Variants in CPAMD8 observed in about 807,000 individuals in gnomAD.
The protein encoded by CPAMD8 is C3 and PZP-like alpha-2-macroglobulin domain-containing protein 8.
A neutral mutation model predicts 224.7 loss-of-function variants in CPAMD8; 146 were observed. That is an observed-to-expected ratio of 0.65 (90% CI 0.57 to 0.75). The LOEUF (loss-of-function observed/expected upper bound fraction) is 0.75, where lower values mean the gene tolerates loss of function less well. Among genes scored for constraint, CPAMD8 ranks in the 30% least tolerant of loss-of-function variants. The probability of loss-of-function intolerance (pLI) is 0.00; values close to 1 mark genes in which losing one functional copy is unlikely to be tolerated. For synonymous variants in CPAMD8, 966 were observed against 1,044.6 expected, an observed-to-expected ratio of 0.92 and a Z score of 1.45; for missense variants, 2,301 against 2,537.5, an observed-to-expected ratio of 0.91 and a Z score of 2.00.
At chr19:17,025,654 G>A (rs1021577926) in intron 1 of CPAMD8, among the ~76,000 whole-genome samples, 6 of 152,162 alleles carry the variant, frequency 3.9e-5, no homozygotes, top group African/African-American at 7.2e-5. Flanking sequence ...ATTTCCCAGC[G>A]GCCTCAGGGA....
intron 7 of CPAMD8, among the ~76,000 whole-genome samples, chr19:17,006,901 T>C (rs1165935910): frequency 6.6e-6 from 1 of 152,198 alleles, no homozygotes; most frequent in African/African-American, 2.4e-5. Flanking sequence ...TTAGTTCATG[T>C]TTGCTTCCCC....
intron 1 of CPAMD8, among the ~76,000 whole-genome samples, chr19:17,025,100 C>T (rs1276306540): frequency 6.6e-6 from 1 of 152,094 alleles, no homozygotes; most frequent in Admixed American, 6.5e-5. Flanking sequence ...AGGAAAACGC[C>T]CTGGAGAACT....
chr19:16,920,111 G>A (rs2053112410), intron 27 of CPAMD8, among the ~76,000 whole-genome samples: 1 of 152,216 alleles, frequency 6.6e-6, no homozygotes, highest in South Asian at 2.1e-4. Flanking sequence ...AGACGTCCAT[G>A]TTTGGAGACC....
chr19:16,916,147 G>T (rs1158993033), intron 27 of CPAMD8, among the ~76,000 whole-genome samples: 1 of 152,024 alleles, frequency 6.6e-6, no homozygotes, highest in African/African-American at 2.4e-5. Context: ...CCAAGTAGCT[G>T]GGACTACAGG....
At chr19:17,010,716 C>T (rs909448403) in intron 5 of CPAMD8, among the ~76,000 whole-genome samples, 17 of 151,924 alleles carry the variant, frequency 1.1e-4, no homozygotes, top group Admixed American at 7.9e-4. Flanking sequence ...AGAGAGAGAG[C>T]GCTAGAAAGA....
intron 18 of CPAMD8, among the ~76,000 whole-genome samples, chr19:16,958,804 C>CTT (rs200136563): frequency 1.8e-4 from 26 of 143,182 alleles, no homozygotes; most frequent in South Asian, 6.6e-4. Context: ...CTTTTTTTTT[C>CTT]TTTTTTTTTT....
chr19:16,973,283 C>T (rs2055129450), intron 17 of CPAMD8, among the ~76,000 whole-genome samples: 1 of 152,126 alleles, frequency 6.6e-6, no homozygotes, highest in South Asian at 2.1e-4. Flanking sequence ...AACTTTTCTG[C>T]ATGTTTGGAA....
At chr19:16,903,931 AAGCCT>A in intron 32 of CPAMD8, 74 bp from the exon 33 acceptor site, 1 of 1,464,130 alleles carries the variant, frequency 6.8e-7, no homozygotes, top group Non-Finnish European at 9.4e-7. Context: ...CCCGTCTTGG[AAGCCT>A]AGCCTAAAAC....
At chr19:16,977,992 C>T (rs1158792384) in intron 14 of CPAMD8, among the ~76,000 whole-genome samples, 1 of 152,120 alleles carries the variant, frequency 6.6e-6, no homozygotes, top group Non-Finnish European at 1.5e-5. Context: ...TGACTTGAAC[C>T]GAGTTCATAC....
intron 11 of CPAMD8, among the ~76,000 whole-genome samples, chr19:16,996,790 G>C (rs1440245569): frequency 1.4e-5 from 2 of 141,040 alleles, no homozygotes; most frequent in African/African-American, 5.3e-5. Context: ...CTGCACTCCA[G>C]CCTGGGCGAT....
chr19:16,944,879 G>A (rs968665295), intron 22 of CPAMD8, among the ~76,000 whole-genome samples: 2 of 135,010 alleles, frequency 1.5e-5, no homozygotes, highest in African/African-American at 6.6e-5. Flanking sequence ...CCTTCGGGCT[G>A]CTGTTAGGGG....
chr19:16,927,007 G>A (rs914207829), intron 25 of CPAMD8, among the ~76,000 whole-genome samples: 2 of 151,918 alleles, frequency 1.3e-5, no homozygotes, highest in African/African-American at 2.4e-5. Flanking sequence ...ATCTCCTTCC[G>A]GCCTCTCACC....
rs1291419327 is a variant in CPAMD8 at position 16,896,437 on chromosome 19, CG to C, written c.5275+18del. The C allele has an allele frequency of 3.4e-6, 5 of 1,465,326 alleles. No individual in the cohort carries two copies. The highest frequency in any genetic ancestry group is 1.4e-5 in the South Asian group (1 of 72,550). The allele number at this position is 1,465,326 out of a possible 1,614,324, so 90.8% of individuals were successfully genotyped here. A position where few individuals can be genotyped will look rare whatever the true frequency, so the allele number is the denominator to read the frequency against. ...CAGCGATGGTGTCCCCGAGGCTAGGCGGGGGGTAGGGTCCTCACCGAGGGCG... is the reference window on the plus strand; with the variant it reads ...CAGCGATGGTGTCCCCGAGGCTAGGCGGGGGTAGGGTCCTCACCGAGGGCG... On this transcript the variant is annotated intron_variant, in intron 40 of 41. Coordinates refer to ENST00000443236, the MANE Select transcript of CPAMD8 (RefSeq NM_015692.5).
intron 10 of CPAMD8, among the ~76,000 whole-genome samples, chr19:16,998,967 T>C (rs768668408): frequency 2.0e-5 from 3 of 152,148 alleles, no homozygotes; most frequent in Non-Finnish European, 2.9e-5. Context: ...CACATTGTGG[T>C]CCATCTGTAC....
chr19:16,904,187 C>CCCCCCCCA, intron 32 of CPAMD8, 39 bp downstream of exon 32: 1 of 1,399,750 alleles, frequency 7.1e-7, no homozygotes, highest in Non-Finnish European at 9.9e-7. Context: ...CCCCACCCAC[C>CCCCCCCCA]CAGCCCTGAG....
In CPAMD8 at chr19:16,989,636, A is replaced by G. The variant is rs774092271; in HGVS notation, c.1395+7T>C. ...GGCCCAGGAAGGGTAGCTCCTGAAA[A>G]TCTTACCTGCAGTGGGTGGGAGGGT... is the stretch of plus-strand genomic sequence containing the variant. On this transcript the variant is annotated splice_region_variant and intron_variant, in intron 13 of 41. Coordinates refer to ENST00000443236, the MANE Select transcript of CPAMD8 (RefSeq NM_015692.5). The G allele has an allele frequency of 1.2e-6, 2 of 1,612,616 alleles. No homozygotes were observed. The highest frequency in any genetic ancestry group is 3.3e-5 in the Admixed American group (2 of 59,834).
chr19:16,900,601 A>C (rs1454008815), intron 36 of CPAMD8, among the ~76,000 whole-genome samples: 1 of 151,918 alleles, frequency 6.6e-6, no homozygotes, highest in Non-Finnish European at 1.5e-5. Flanking sequence ...ATCTCAAATA[A>C]TAATAATAAT....
At chr19:16,944,444 G>A (rs1477610767) in intron 22 of CPAMD8, among the ~76,000 whole-genome samples, 3 of 152,196 alleles carry the variant, frequency 2.0e-5, no homozygotes, top group African/African-American at 7.2e-5. Flanking sequence ...GTCCCCCTGT[G>A]TGCATTGAGA....
In CPAMD8 at chr19:17,008,753, G is replaced by A. The variant is rs368114986; in HGVS notation, c.505-194C>T. The A allele has an allele frequency of 3.7e-3, 2,493 of 667,456 alleles. 69 individuals are homozygous for A. In the South Asian group the frequency reaches 0.041, roughly 11 times the overall value. 41.3% of individuals were successfully genotyped at this position (667,456 alleles called of 1,614,324 possible). On this transcript the variant is annotated intron_variant, in intron 6 of 41. Transcript: ENST00000443236. ...GGATTTGAAAAGCAGAAGGGGATGGGCTGGGCCTACCTCCTCATTTAGGGA... is the reference window on the plus strand; with the variant it reads ...GGATTTGAAAAGCAGAAGGGGATGGACTGGGCCTACCTCCTCATTTAGGGA...
Sources: gnomAD v4.1 joint callset for allele counts (sites outside exome capture counted in the v4.1 genomes callset) on GRCh38, gnomAD v4.1.1 for gene constraint, MANE v1.5 for transcripts, NCBI Gene and HGNC (gene_info 2026-07-23, HGNC 2026-07-21) for gene names.